The following AJAP1 variants were observed in gnomAD, a reference collection of about 807,000 sequenced individuals.
The protein encoded by AJAP1 is adherens junction-associated protein 1.
In AJAP1, 5 loss-of-function variants were observed where a neutral mutation model predicts 35.0. That is an observed-to-expected ratio of 0.14 (90% CI 0.07 to 0.30). The LOEUF is 0.30. AJAP1 is among the 10% of genes least tolerant of loss of function. The pLI is 1.00. For missense variants in AJAP1, 586 were observed against 571.0 expected (o/e 1.03, Z -0.27); for synonymous variants, 284 against 249.3 (o/e 1.14, Z -1.31).
chr1:4,661,733 G>A (rs12406838), intron 1 of AJAP1, among the ~76,000 whole-genome samples: 25,730 of 152,206 alleles, frequency 0.17, 2,615 homozygotes, highest in Admixed American at 0.23. Context: ...GGATTTAGCC[G>A]TGTGTTCAGC....
intron 2 of AJAP1, among the ~76,000 whole-genome samples, chr1:4,761,118 G>A (rs1355284423): frequency 1.3e-5 from 2 of 152,258 alleles, no homozygotes; most frequent in East Asian, 1.9e-4. Flanking sequence ...TAACTCAGAG[G>A]GTAAATCTCA....
chr1:4,742,882 A>G (rs1376365639), intron 2 of AJAP1, among the ~76,000 whole-genome samples: 3 of 150,932 alleles, frequency 2.0e-5, no homozygotes, highest in Non-Finnish European at 3.0e-5. Flanking sequence ...TCTTTGGGTG[A>G]CCCCTCCTGG....
intron 5 of AJAP1, among the ~76,000 whole-genome samples, chr1:4,780,192 T>G (rs1272821438): frequency 6.6e-6 from 1 of 150,754 alleles, no homozygotes; most frequent in Non-Finnish European, 1.5e-5. Context: ...TCTAGTTCAA[T>G]GGCATGAGTG....
chr1:4,657,329 A>G (rs1452814793), intron 1 of AJAP1, among the ~76,000 whole-genome samples: 4 of 151,944 alleles, frequency 2.6e-5, no homozygotes, highest in African/African-American at 7.2e-5. Flanking sequence ...TCAGCACAGG[A>G]GATTTTCTGT....
At chr1:4,742,309 C>G (rs548872812) in intron 2 of AJAP1, among the ~76,000 whole-genome samples, 3 of 152,284 alleles carry the variant, frequency 2.0e-5, no homozygotes, top group Admixed American at 2.0e-4. Context: ...AGTACGGCTT[C>G]GTGATTTTCT....
intron 2 of AJAP1, among the ~76,000 whole-genome samples, chr1:4,763,437 G>T (rs1641615980): frequency 6.6e-6 from 1 of 152,222 alleles, no homozygotes; most frequent in South Asian, 2.1e-4. Flanking sequence ...TCCACGTAGT[G>T]TTGGCTTGAA....
chr1:4,699,733 A>G (rs1639945420), intron 1 of AJAP1, among the ~76,000 whole-genome samples: 1 of 152,042 alleles, frequency 6.6e-6, no homozygotes, highest in Non-Finnish European at 1.5e-5. Context: ...CCTGAGCCCC[A>G]CCTTCTTTGA....
chr1:4,787,435 C>A lies in AJAP1; in HGVS notation c.*4950C>A. The A allele has an allele frequency of 3.5e-6, 1 of 288,726 alleles. No individual in the cohort carries two copies. Among genetic ancestry groups the A allele is most frequent in the Non-Finnish European group, 6.9e-6 (1 of 145,012 alleles). The allele number at this position is 288,726 out of a possible 1,614,324, so 17.9% of individuals were successfully genotyped here. On this transcript the variant is annotated 3_prime_UTR_variant, in exon 6 of 6. Coordinates refer to ENST00000378191, the MANE Select transcript of AJAP1 (RefSeq NM_018836.4). ...CGACCCATCACCTACTGGAAAATTA[C>A]CACTTGCTGCTTGAGGGTTGGTCTG...
intron 2 of AJAP1, among the ~76,000 whole-genome samples, chr1:4,753,293 A>G (rs1414491676): frequency 1.3e-5 from 2 of 152,156 alleles, no homozygotes; most frequent in Non-Finnish European, 2.9e-5. Context: ...AAGGCCCAAG[A>G]GAACACCTTG....
At chr1:4,707,262 T>C (rs746188245) in intron 1 of AJAP1, among the ~76,000 whole-genome samples, 1 of 152,224 alleles carries the variant, frequency 6.6e-6, no homozygotes, top group African/African-American at 2.4e-5. Flanking sequence ...TTCTCTAGCA[T>C]GTTCCTTTTG....
In AJAP1 at chr1:4,692,422, G is replaced by A. The variant is rs1039894283; in HGVS notation, c.30-19478G>A. 2.6e-5 allele frequency among the ~76,000 whole-genome samples: 4 copies of A among 152,168 alleles called. 1 individual carries two copies. The highest frequency in any genetic ancestry group is 4.1e-4 in the South Asian group (2 of 4,826). On this transcript the variant is annotated intron_variant, in intron 1 of 5. Coordinates refer to ENST00000378191, the MANE Select transcript of AJAP1 (RefSeq NM_018836.4). The surrounding 1 kb of genome is among the most constrained non-coding windows in gnomAD (Gnocchi z 4.4). ...GGTGCAGCAGAGGGATATAGCCTCCGTGGGACTCATCATTACGAGGACTTG... is the reference window on the plus strand; with the variant it reads ...GGTGCAGCAGAGGGATATAGCCTCCATGGGACTCATCATTACGAGGACTTG...
chr1:4,689,198 C>T (rs535566287), intron 1 of AJAP1, among the ~76,000 whole-genome samples: 43 of 152,284 alleles, frequency 2.8e-4, no homozygotes, highest in African/African-American at 9.1e-4. Flanking sequence ...CCGACGTCCT[C>T]GCCCCAAAAG....
Position 4,774,507 on chromosome 1 carries a change from A to T in AJAP1, c.*8A>T. On this transcript the variant is annotated 3_prime_UTR_variant, in exon 5 of 6. Coordinates refer to ENST00000378191, the MANE Select transcript of AJAP1 (RefSeq NM_018836.4). ...TTTGAAATCTCCTGCTGACTGGCCG[A>T]AGTCTTTTTTACCTCCTGGGGGCAG... The T allele has an allele frequency of 6.2e-7, 1 of 1,613,792 alleles. No homozygotes were observed. Among genetic ancestry groups the T allele is most frequent in the Non-Finnish European group, 8.5e-7 (1 of 1,179,778 alleles).
In AJAP1 at chr1:4,729,834, G is replaced by A. The variant is rs528308724; in HGVS notation, c.829+17135G>A. On this transcript the variant is annotated intron_variant, in intron 2 of 5. Coordinates refer to ENST00000378191, the MANE Select transcript of AJAP1 (RefSeq NM_018836.4). Reference sequence around the variant, plus strand: ...CATTGCACTTGTTGTTGGATTTAGGGGCCACCCTGATCACCCAGGATGAGC... The same window carrying A: ...CATTGCACTTGTTGTTGGATTTAGGAGCCACCCTGATCACCCAGGATGAGC... Among the ~76,000 whole-genome samples, 41 of 152,232 alleles carry A rather than the reference G, an allele frequency of 2.7e-4. No individual in the cohort carries two copies. In the South Asian group the frequency reaches 8.5e-3, roughly 32 times the overall value.
intron 2 of AJAP1, among the ~76,000 whole-genome samples, chr1:4,768,468 T>C (rs1641743013): frequency 1.3e-5 from 2 of 152,214 alleles, no homozygotes; most frequent in Non-Finnish European, 2.9e-5. Context: ...CCCATGAGGA[T>C]CATATCCAGC....
At chr1:4,661,505 G>A (rs1398117619) in intron 1 of AJAP1, among the ~76,000 whole-genome samples, 1 of 152,244 alleles carries the variant, frequency 6.6e-6, no homozygotes, top group African/African-American at 2.4e-5. Flanking sequence ...CATGGGAGAG[G>A]TGGGATTTGA....
chr1:4,686,390 G>A (rs1302033008), intron 1 of AJAP1, among the ~76,000 whole-genome samples: 2 of 152,276 alleles, frequency 1.3e-5, no homozygotes, highest in East Asian at 3.9e-4. Context: ...CTGCAGCTGG[G>A]TTGCAGAGGG....
intron 1 of AJAP1, among the ~76,000 whole-genome samples, chr1:4,700,268 A>G (rs1409346654): frequency 1.3e-5 from 2 of 152,158 alleles, no homozygotes. Flanking sequence ...AGTAGGATCA[A>G]ACCAGGTTTG....
chr1:4,770,027 A>C, intron 3 of AJAP1, 87 bp downstream of exon 3: 1 of 1,193,428 alleles, frequency 8.4e-7, no homozygotes, highest in African/African-American at 1.5e-5. Context: ...CTACTTTTCA[A>C]AGCCAGCCTG....
Sources: gnomAD v4.1 joint callset for allele counts (sites outside exome capture counted in the v4.1 genomes callset) on GRCh38, gnomAD v4.1.1 for gene constraint, Gnocchi (gnomAD v3.1) non-coding constraint, MANE v1.5 for transcripts, NCBI Gene and HGNC (gene_info 2026-07-23, HGNC 2026-07-21) for gene names.